SSH2: variants seen among roughly 807,000 people sequenced by gnomAD.
The protein encoded by SSH2 is slingshot protein phosphatase 2.
SSH2 carries 37 observed loss-of-function variants against 135.2 expected under a neutral mutation model. The observed-to-expected ratio is 0.27, with a 90% CI of 0.21 to 0.36. The LOEUF (loss-of-function observed/expected upper bound fraction) is 0.36, where lower values mean the gene tolerates loss of function less well. Ranked by LOEUF, SSH2 falls within the 10% of genes least tolerant of loss-of-function variation. The pLI, the probability that SSH2 is intolerant of heterozygous loss-of-function variation, is 1.00. For synonymous variants in SSH2, 628 were observed against 646.2 expected, an observed-to-expected ratio of 0.97 and a Z score of 0.43; for missense variants, 1,408 against 1,765.3, an observed-to-expected ratio of 0.80 and a Z score of 3.63.
intron 2 of SSH2, among the ~76,000 whole-genome samples, chr17:29,798,232 T>G (rs1035342696): frequency 1.3e-5 from 2 of 152,068 alleles, no homozygotes; most frequent in Non-Finnish European, 2.9e-5. Context: ...TGGAGTGCAG[T>G]GGTGGGATCT....
At chr17:29,642,012 G>T (rs1204737999) in intron 14 of SSH2, among the ~76,000 whole-genome samples, 1 of 151,634 alleles carries the variant, frequency 6.6e-6, no homozygotes, top group African/African-American at 2.4e-5. Flanking sequence ...TACTTTTTGG[G>T]GTATTAGGCA....
chr17:29,861,628 A>T (rs1321347701), intron 1 of SSH2, among the ~76,000 whole-genome samples: 1 of 151,484 alleles, frequency 6.6e-6, no homozygotes, highest in Non-Finnish European at 1.5e-5. Context: ...CAGTGGTGCG[A>T]TCTCGGCTCA....
At chr17:29,860,311 G>A (rs906169716) in intron 1 of SSH2, among the ~76,000 whole-genome samples, 1 of 152,098 alleles carries the variant, frequency 6.6e-6, no homozygotes, top group East Asian at 1.9e-4. Context: ...ACTGCTGTGA[G>A]ATGGTATCTC....
chr17:29,665,419 T>C (rs1477354183), intron 11 of SSH2, among the ~76,000 whole-genome samples: 1 of 152,192 alleles, frequency 6.6e-6, no homozygotes, highest in Non-Finnish European at 1.5e-5. Flanking sequence ...AACAAGTTAT[T>C]TCAGGGCACA....
intron 1 of SSH2, among the ~76,000 whole-genome samples, chr17:29,894,748 A>G (rs376523625): frequency 6.6e-6 from 1 of 151,904 alleles, no homozygotes; most frequent in African/African-American, 2.4e-5. Flanking sequence ...ACCTCAGGGT[A>G]TGGAACCACA....
intron 6 of SSH2, among the ~76,000 whole-genome samples, chr17:29,679,696 G>A (rs62068585): frequency 0.016 from 2,444 of 152,246 alleles, 60 homozygotes; most frequent in African/African-American, 0.051. Context: ...GTGAGCCACC[G>A]CGCCCAGCAA....
chr17:29,925,995 T>C (rs915365276), intron 1 of SSH2, among the ~76,000 whole-genome samples: 5 of 152,062 alleles, frequency 3.3e-5, no homozygotes, highest in African/African-American at 1.2e-4. Context: ...TCAGGAAACA[T>C]CTATTATCTA....
intron 6 of SSH2, among the ~76,000 whole-genome samples, chr17:29,679,978 G>T (rs972133786): frequency 4.0e-5 from 6 of 151,660 alleles, no homozygotes; most frequent in African/African-American, 1.5e-4. Flanking sequence ...TCTTCATCTT[G>T]AACTGTGAAT....
intron 3 of SSH2, among the ~76,000 whole-genome samples, chr17:29,748,707 C>A (rs1021535943): frequency 8.6e-5 from 13 of 152,046 alleles, no homozygotes; most frequent in African/African-American, 3.1e-4. Context: ...AAAAAAAATT[C>A]ATAAAATAAA....
chr17:29,889,802 CAAAAAAAAAAAA>C (rs534822390), intron 1 of SSH2, among the ~76,000 whole-genome samples: 3 of 49,498 alleles, frequency 6.1e-5, no homozygotes, highest in Admixed American at 2.5e-4. Flanking sequence ...CCATCTCTAC[CAAAAAAAAAAAA>C]AAAAAAAAAA....
chr17:29,731,675 C>T (rs938112714), intron 3 of SSH2, among the ~76,000 whole-genome samples: 1 of 151,950 alleles, frequency 6.6e-6, no homozygotes, highest in Admixed American at 6.6e-5. Context: ...AGGATGGTCT[C>T]GAATTCCTGG....
chr17:29,924,451 A>G (rs2067029731), intron 1 of SSH2, among the ~76,000 whole-genome samples: 1 of 152,232 alleles, frequency 6.6e-6, no homozygotes, highest in South Asian at 2.1e-4. Flanking sequence ...AAAATATACC[A>G]CACTCAATCC....
intron 1 of SSH2, among the ~76,000 whole-genome samples, chr17:29,908,338 A>G (rs1407470071): frequency 2.6e-5 from 4 of 151,958 alleles, no homozygotes; most frequent in African/African-American, 4.8e-5. Flanking sequence ...CACCTGTCTT[A>G]GTCCTGCTAC....
chr17:29,876,334 A>G (rs1432289157), intron 1 of SSH2, among the ~76,000 whole-genome samples: 2 of 152,184 alleles, frequency 1.3e-5, no homozygotes, highest in African/African-American at 4.8e-5. Context: ...CCAGAAAGAA[A>G]TCCACACATC....
intron 1 of SSH2, among the ~76,000 whole-genome samples, chr17:29,913,174 C>T (rs998467677): frequency 3.3e-5 from 5 of 149,302 alleles, no homozygotes; most frequent in East Asian, 4.0e-4. Flanking sequence ...AAAAATTAGC[C>T]GGGTGTGGTG....
intron 1 of SSH2, among the ~76,000 whole-genome samples, chr17:29,923,777 A>G (rs2067017769): frequency 6.6e-6 from 1 of 152,072 alleles, no homozygotes; most frequent in African/African-American, 2.4e-5. Flanking sequence ...GTGGTGGTGC[A>G]CGTCTGTAGT....
intron 5 of SSH2, among the ~76,000 whole-genome samples, chr17:29,692,166 TA>T (rs11346647): frequency 0.55 from 79,436 of 145,390 alleles, 21,461 homozygotes; most frequent in East Asian, 0.7. Context: ...AAATAAAAAA[TA>T]AAAAAAAAAA....
chr17:29,716,642 G>A (rs2151158351), intron 3 of SSH2: 5 of 664,106 alleles, frequency 7.5e-6, no homozygotes, highest in Middle Eastern at 3.5e-4. Flanking sequence ...AAAAGACCTA[G>A]AGAACATATA....
intron 3 of SSH2, among the ~76,000 whole-genome samples, chr17:29,782,142 G>A (rs1342768088): frequency 1.3e-5 from 2 of 152,042 alleles, no homozygotes; most frequent in African/African-American, 2.4e-5. Flanking sequence ...CACCATGCCG[G>A]CCCTATGTTT....
Sources: gnomAD v4.1 joint callset for allele counts (sites outside exome capture counted in the v4.1 genomes callset) on GRCh38, gnomAD v4.1.1 for gene constraint, MANE v1.5 for transcripts, NCBI Gene and HGNC (gene_info 2026-07-23, HGNC 2026-07-21) for gene names.